Variants in CHD9 observed in about 807,000 individuals in gnomAD.
CHD9 encodes ATP-dependent chromatin remodeler CHD9.
CHD9 carries 77 observed loss-of-function variants against 316.1 expected under a neutral mutation model. The observed-to-expected ratio is 0.24, with a 90% CI of 0.20 to 0.29. The LOEUF (loss-of-function observed/expected upper bound fraction) is 0.29. Among genes scored for constraint, CHD9 ranks in the 10% least tolerant of loss-of-function variants. The pLI is 1.00. For missense variants in CHD9, 2,763 were observed against 3,438.1 expected (o/e 0.80, Z 4.91); for synonymous variants, 1,129 against 1,158.3 (o/e 0.97, Z 0.51).
intron 24 of CHD9, among the ~76,000 whole-genome samples, chr16:53,280,346 A>G (rs573170698): frequency 3.9e-5 from 6 of 152,340 alleles, no homozygotes; most frequent in Admixed American, 3.3e-4. Context: ...CTACTCAGCC[A>G]TAAAAAGGAA....
Position 53,324,811 on chromosome 16 carries a change from G to A in CHD9, c.8610G>A (p.Glu2870=), listed in dbSNP as rs774144918. 8 of 1,612,656 alleles carry A rather than the reference G, an allele frequency of 5.0e-6. No homozygotes were observed. The South Asian group carries it at 6.6e-5, about 13-fold the overall frequency. ...CTCTCAATGAAAACAGCACAGATGA[G>A]GGTTCAGAGAAAGCTGATGCTTCAT... ...PSPLNENSTD[E]GSEKADASSG... Residue 2870 remains glutamate (E), a synonymous_variant, in exon 39 of 39, where the codon GAG becomes GAA. Coordinates refer to ENST00000447540, the MANE Select transcript of CHD9 (RefSeq NM_001308319.2).
At chr16:53,077,160 GT>G (rs1374771751) in intron 1 of CHD9, among the ~76,000 whole-genome samples, 2 of 151,752 alleles carry the variant, frequency 1.3e-5, no homozygotes, top group Non-Finnish European at 1.5e-5. Flanking sequence ...ACTAATTTTT[GT>G]ATTTTTAGTA....
At chr16:53,244,192 CTT>C (rs529369708) in intron 13 of CHD9, among the ~76,000 whole-genome samples, 7 of 135,462 alleles carry the variant, frequency 5.2e-5, no homozygotes, top group Admixed American at 2.2e-4. Context: ...AAGCATATTT[CTT>C]TTTTTTTTTT....
intron 1 of CHD9, among the ~76,000 whole-genome samples, chr16:53,143,472 C>G (rs1411458607): frequency 6.6e-6 from 1 of 151,330 alleles, no homozygotes; most frequent in Non-Finnish European, 1.5e-5. Flanking sequence ...ACTGCAAGCT[C>G]CGCCTCCCGG....
rs749898266 is a variant in CHD9 at position 53,324,183 on chromosome 16, A to G, written c.7982A>G (p.Asn2661Ser). Reference protein sequence around the residue: ...TSVSGNPLLANGLLPGVDLTT... With the variant: ...TSVSGNPLLASGLLPGVDLTT... ...GTTTCAGGCAATCCTTTGTTAGCCAATGGACTACTTCCAGGTGTGGATCTC... is the reference window on the plus strand; with the variant it reads ...GTTTCAGGCAATCCTTTGTTAGCCAGTGGACTACTTCCAGGTGTGGATCTC... The change falls in exon 39 of 39, where the codon AAT (asparagine) becomes AGT (serine). Residue 2661 changes from asparagine to serine, a missense_variant. By Grantham distance (46) the Asn-to-Ser change is conservative (BLOSUM62 1). Coordinates refer to ENST00000447540, the MANE Select transcript of CHD9 (RefSeq NM_001308319.2). 210 of 1,613,904 alleles carry G rather than the reference A, an allele frequency of 1.3e-4. No individual in the cohort carries two copies. The highest frequency in any genetic ancestry group is 1.6e-4 in the Non-Finnish European group (188 of 1,179,908).
At chr16:53,057,612 C>T (rs1387487811) in intron 1 of CHD9, among the ~76,000 whole-genome samples, 1 of 151,676 alleles carries the variant, frequency 6.6e-6, no homozygotes, top group Non-Finnish European at 1.5e-5. Context: ...CAAGATCACG[C>T]CATTGTACTC....
At chr16:53,318,061 A>C in intron 36 of CHD9, 151 bp from the exon 37 acceptor site, 1 of 578,044 alleles carries the variant, frequency 1.7e-6, no homozygotes, top group Non-Finnish European at 2.7e-6. Context: ...TGTCTCAAAA[A>C]AAAATAAAAT....
At chr16:53,255,849 ATC>A (rs2050545380) in intron 19 of CHD9, 70 bp downstream of exon 19, 2 of 1,375,344 alleles carry the variant, frequency 1.5e-6, no homozygotes, top group Middle Eastern at 1.8e-4. Context: ...AAGTTTAATT[ATC>A]TCTTATACCG....
intron 1 of CHD9, among the ~76,000 whole-genome samples, chr16:53,151,210 C>T (rs1321725837): frequency 3.4e-5 from 4 of 116,030 alleles, no homozygotes; most frequent in Non-Finnish European, 7.2e-5. Flanking sequence ...CCTCCCCTCC[C>T]CTCCCCCCCT....
chr16:53,120,569 C>T (rs922792974), intron 1 of CHD9, among the ~76,000 whole-genome samples: 4 of 152,006 alleles, frequency 2.6e-5, no homozygotes, highest in Non-Finnish European at 5.9e-5. Context: ...GCCGAGATCG[C>T]ACCATTGCAC....
chr16:53,208,365 T>C, intron 2 of CHD9: 1 of 1,279,548 alleles, frequency 7.8e-7, no homozygotes, highest in Non-Finnish European at 1.0e-6. Flanking sequence ...AAAGCCTGAA[T>C]GAGTGGGAGG....
chr16:53,199,376 T>G (rs138177251), intron 2 of CHD9, among the ~76,000 whole-genome samples: 79 of 152,312 alleles, frequency 5.2e-4, no homozygotes, highest in East Asian at 2.3e-3. Flanking sequence ...CATATATTAA[T>G]ATATATTCAT....
chr16:53,286,111 A>T, intron 25 of CHD9, 115 bp from the exon 26 acceptor site: 2 of 568,056 alleles, frequency 3.5e-6, no homozygotes, highest in South Asian at 5.2e-5. Context: ...TATCATTTTA[A>T]TGTATTATCC....
chr16:53,243,165 C>A, intron 13 of CHD9, 149 bp downstream of exon 13: 1 of 535,988 alleles, frequency 1.9e-6, no homozygotes, highest in Non-Finnish European at 3.1e-6. Flanking sequence ...TTTTGGGGGG[C>A]CTTAATTTGT....
intron 1 of CHD9, among the ~76,000 whole-genome samples, chr16:53,144,271 A>C (rs1237176005): frequency 2.0e-5 from 3 of 152,152 alleles, no homozygotes; most frequent in Admixed American, 2.0e-4. Context: ...AATAACCCAA[A>C]GTATAGAGTA....
intron 4 of CHD9, 36 bp from the exon 5 acceptor site, chr16:53,226,330 A>T (rs2047653680): frequency 7.1e-7 from 1 of 1,409,102 alleles, no homozygotes; most frequent in African/African-American, 1.5e-5. Flanking sequence ...TCTTCAAAAT[A>T]AATTATATAA....
At chr16:53,192,568 G>C (rs2044562268) in intron 2 of CHD9, among the ~76,000 whole-genome samples, 3 of 152,126 alleles carry the variant, frequency 2.0e-5, no homozygotes, top group Admixed American at 1.3e-4. Context: ...AATGTGCACA[G>C]TTCTATAACC....
At position 53,314,013 on chromosome 16, in the gene CHD9, G is replaced by A. The variant is rs1007033166; in HGVS notation, c.7223-364G>A. 2.6e-5 allele frequency among the ~76,000 whole-genome samples: 4 copies of A among 151,654 alleles called. No individual in the cohort carries two copies. The South Asian group carries it at 6.2e-4, about 24-fold the overall frequency. On this transcript the variant is annotated intron_variant, in intron 34 of 38. Coordinates refer to ENST00000447540, the MANE Select transcript of CHD9 (RefSeq NM_001308319.2). ...TAGAAAAAGATATTTGGCACAAAAA[G>A]CAGAGATAAATGATTTTTTTTAAAA...
In CHD9 at chr16:53,249,921, C is replaced by G. The variant is rs1343120137; in HGVS notation, c.3716C>G (p.Ala1239Gly). ...DGRVRGNLRQ[A>G]AIDRFSKPDS... is the part of the protein sequence containing the mutation. ...AGAGTCAGAGGAAATCTTCGGCAAGCTGCTATAGATAGATTTAGTAAACCT... is the reference window on the plus strand; with the variant it reads ...AGAGTCAGAGGAAATCTTCGGCAAGGTGCTATAGATAGATTTAGTAAACCT... The change falls in exon 17 of 39, where the codon GCT becomes GGT. Residue 1239 changes from alanine to glycine, a missense_variant. Coordinates refer to ENST00000447540, the MANE Select transcript of CHD9 (RefSeq NM_001308319.2). The G allele has an allele frequency of 2.5e-6, 4 of 1,613,590 alleles. No homozygotes were observed. Among genetic ancestry groups the G allele is most frequent in the Non-Finnish European group, 3.4e-6 (4 of 1,179,774 alleles).
Sources: allele counts gnomAD v4.1 joint callset (sites outside exome capture counted in the v4.1 genomes callset), GRCh38; gene constraint gnomAD v4.1.1; transcripts MANE v1.5; gene names NCBI Gene and HGNC (gene_info 2026-07-23, HGNC 2026-07-21).